Variants in SPTBN4 observed in about 807,000 individuals in gnomAD.
SPTBN4 encodes the protein spectrin beta chain, non-erythrocytic 4.
A neutral mutation model predicts 277.8 loss-of-function variants in SPTBN4; 96 were observed. The ratio of observed to expected loss-of-function variants is 0.35; its 90% confidence interval spans 0.29 to 0.41. The LOEUF is 0.41. Ranked by LOEUF, SPTBN4 falls within the 10% of genes least tolerant of loss-of-function variation. The probability of loss-of-function intolerance (pLI) is 1.00; values close to 1 mark genes in which losing one functional copy is unlikely to be tolerated. For synonymous variants in SPTBN4, 1,481 were observed against 1,580.3 expected (o/e 0.94, Z 1.49); for missense variants, 3,006 against 3,595.7 (o/e 0.84, Z 4.19).
chr19:40,515,630 C>A lies in SPTBN4; in HGVS notation c.2903+182C>A, dbSNP rs73544909. Among the ~76,000 whole-genome samples, 1,153 of 152,250 alleles carry A rather than the reference C, an allele frequency of 7.6e-3. 13 individuals are homozygous for A. Among genetic ancestry groups the A allele is most frequent in the African/African-American group, 0.026 (1,062 of 41,544 alleles). The stretch of plus-strand genomic sequence containing the variant: ...TGATGACGTGGTAAAATTAAAACAA[C>A]ATTTCAGTTGGCTGTTCATTTATTT... On this transcript the variant is annotated intron_variant, in intron 15 of 35. Transcript: ENST00000598249. This position sits in a 1 kb window ranked among gnomAD's most constrained non-coding sequence, Gnocchi z 4.1.
chr19:40,472,863 T>G, intron 2 of SPTBN4, 73 bp downstream of exon 2: 11 of 1,378,128 alleles, frequency 8.0e-6, no homozygotes, highest in South Asian at 1.4e-5. Context: ...CCTTGGTGGC[T>G]GGGAGGGTGG....
intron 20 of SPTBN4, among the ~76,000 whole-genome samples, chr19:40,546,049 CAAAAA>C (rs35750238): frequency 1.1e-5 from 1 of 91,786 alleles, no homozygotes; most frequent in African/African-American, 4.4e-5. Flanking sequence ...GACTCTGCCT[CAAAAA>C]AAAAAAAAAA....
chr19:40,470,832 C>A (rs1185650244), intron 1 of SPTBN4, among the ~76,000 whole-genome samples: 1 of 151,222 alleles, frequency 6.6e-6, no homozygotes, highest in African/African-American at 2.4e-5. Flanking sequence ...CGGGTTTCAC[C>A]ATGTTGGCCA....
chr19:40,570,287 G>A (rs1304505478), intron 32 of SPTBN4, 149 bp from the exon 33 acceptor site: 3 of 450,638 alleles, frequency 6.7e-6, no homozygotes, highest in Non-Finnish European at 1.2e-5. Flanking sequence ...CCTAAGAATT[G>A]GGCCTCCAAC....
Position 40,560,904 on chromosome 19 carries a change from C to T in SPTBN4, c.5915+501C>T, listed in dbSNP as rs766824883. On this transcript the variant is annotated intron_variant, in intron 27 of 35. Transcript: ENST00000598249. The surrounding 1 kb of genome is among the most constrained non-coding windows in gnomAD (Gnocchi z 5.2). The stretch of plus-strand genomic sequence containing the variant: ...GTCACATGCTGGACCCTCTGCATCC[C>T]GCTGCAGATGGGAAAAGATAGCAGG... Among the ~76,000 whole-genome samples, 22 of 149,892 alleles carry T rather than the reference C, an allele frequency of 1.5e-4. No homozygotes were observed. Among genetic ancestry groups the T allele is most frequent in the Non-Finnish European group, 2.8e-4 (19 of 66,964 alleles).
At chr19:40,574,144 C>CAAAACAAAAT (rs1555721857) in intron 35 of SPTBN4, among the ~76,000 whole-genome samples, 1 of 134,352 alleles carries the variant, frequency 7.4e-6, no homozygotes, top group African/African-American at 2.7e-5. Flanking sequence ...CAAAACAAAA[C>CAAAACAAAAT]AAAAAAAGAT....
intron 26 of SPTBN4, among the ~76,000 whole-genome samples, chr19:40,559,000 C>T (rs868087937): frequency 4.0e-5 from 6 of 151,030 alleles, no homozygotes; most frequent in Non-Finnish European, 7.4e-5. Flanking sequence ...GGTCTAATCT[C>T]GGCTCACTGC....
At chr19:40,504,829 G>A (rs1485057269) in intron 12 of SPTBN4, among the ~76,000 whole-genome samples, 1 of 151,434 alleles carries the variant, frequency 6.6e-6, no homozygotes. Flanking sequence ...TCCAGCCTGA[G>A]TGACAGAGTT....
chr19:40,534,427 G>T (rs1165858), intron 20 of SPTBN4, 84 bp downstream of exon 20: 1 of 1,495,216 alleles, frequency 6.7e-7, no homozygotes, highest in African/African-American at 1.4e-5. Flanking sequence ...GGTATGTCAA[G>T]TGGAGGGGAT....
intron 33 of SPTBN4, 78 bp from the exon 34 acceptor site, chr19:40,571,941 C>T: frequency 1.4e-6 from 2 of 1,460,620 alleles, no homozygotes; most frequent in Non-Finnish European, 1.8e-6. Flanking sequence ...CAGACATATT[C>T]AGACCTTGAG....
At chr19:40,503,053 G>C in intron 11 of SPTBN4, 120 bp downstream of exon 11, 1 of 1,294,498 alleles carries the variant, frequency 7.7e-7, no homozygotes, top group Non-Finnish European at 1.0e-6. Flanking sequence ...TAGTCTCCTG[G>C]TGATAAATGA....
chr19:40,516,314 C>G (rs2080460544), intron 15 of SPTBN4, among the ~76,000 whole-genome samples: 1 of 151,544 alleles, frequency 6.6e-6, no homozygotes, highest in South Asian at 2.1e-4. Flanking sequence ...CTCTCTCTCT[C>G]TCTTTTGAGA....
At chr19:40,533,429 G>C (rs915610199) in intron 19 of SPTBN4, among the ~76,000 whole-genome samples, 1 of 152,082 alleles carries the variant, frequency 6.6e-6, no homozygotes, top group Non-Finnish European at 1.5e-5. Flanking sequence ...GAGGGACTGA[G>C]GTAGATATTT....
intron 17 of SPTBN4, among the ~76,000 whole-genome samples, chr19:40,526,013 G>A (rs1362497042): frequency 1.3e-5 from 2 of 152,172 alleles, no homozygotes; most frequent in Non-Finnish European, 1.5e-5. Context: ...CATCCGCCAA[G>A]GGGGCAGAGC....
At chr19:40,475,307 G>A (rs1599707395) in intron 2 of SPTBN4, among the ~76,000 whole-genome samples, 1 of 151,898 alleles carries the variant, frequency 6.6e-6, no homozygotes, top group South Asian at 2.1e-4. Context: ...TTAGAAACAC[G>A]GAGCGCTAGA....
Position 40,502,201 on chromosome 19 carries a change from G to A in SPTBN4, c.971G>A (p.Trp324Ter). 6.2e-7 allele frequency: 1 copy of A among 1,614,056 alleles called. No homozygotes were observed. The highest frequency in any genetic ancestry group is 8.5e-7 in the Non-Finnish European group (1 of 1,180,020). ...GAGCTGGCGGCTGAGCTGCTGGCCT[G>A]GATCCACCGCACCGTGGGCCTCATC... is the stretch of plus-strand genomic sequence containing the variant. ...YEELAAELLAWIHRTVGLISN... is the reference protein window; with the variant it reads ...YEELAAELLA Residue 324 changes from tryptophan to a stop codon, truncating the protein, a stop_gained, in exon 9 of 36, where the codon TGG becomes TAG. Transcript: ENST00000598249. LOFTEE classifies it high-confidence loss of function. This position sits in a 1 kb window ranked among gnomAD's most constrained non-coding sequence, Gnocchi z 4.9.
chr19:40,539,870 G>C (rs1254183587), intron 20 of SPTBN4, among the ~76,000 whole-genome samples: 1 of 152,050 alleles, frequency 6.6e-6, no homozygotes. Context: ...AATGCATTAA[G>C]TGGTTTCAGA....
In SPTBN4 at chr19:40,549,352, G is replaced by A. The variant is rs1483715382; in HGVS notation, c.4523G>A (p.Arg1508His). ...VRLLEPLQERRRLLLASKELH... is the reference protein window; with the variant it reads ...VRLLEPLQERHRLLLASKELH... ...CTGCTCGAGCCGTTGCAGGAGCGCC[G>A]CCGCTTGCTGCTGGCTTCCAAGGAG... Residue 1508 changes from arginine (R) to histidine (H), a missense_variant, in exon 21 of 36, where the codon CGC becomes CAC. Transcript: ENST00000598249. The A allele has an allele frequency of 5.9e-6, 9 of 1,534,168 alleles. No individual in the cohort carries two copies.
intron 1 of SPTBN4, among the ~76,000 whole-genome samples, chr19:40,469,230 A>G (rs549464929): frequency 2.0e-5 from 3 of 151,904 alleles, no homozygotes; most frequent in South Asian, 4.2e-4. Context: ...TTTTGAGGAC[A>G]TTGATCTCCC....
Sources: allele counts gnomAD v4.1 joint callset (sites outside exome capture counted in the v4.1 genomes callset), GRCh38; gene constraint gnomAD v4.1.1; non-coding constraint Gnocchi (gnomAD v3.1); transcripts MANE v1.5; gene names NCBI Gene and HGNC (gene_info 2026-07-23, HGNC 2026-07-21).